Variants in NFU1 observed in about 807,000 individuals in gnomAD.
NFU1 encodes NFU1 iron-sulfur cluster scaffold homolog, mitochondrial.
NFU1 carries 30 observed loss-of-function variants against 32.2 expected under a neutral mutation model. The observed-to-expected ratio is 0.93, with a 90% CI of 0.70 to 1.26. NFU1 has a LOEUF of 1.26. Among genes scored for constraint, NFU1 ranks in the 50% most tolerant of loss-of-function variants. The probability of loss-of-function intolerance (pLI) is 0.00; values close to 1 mark genes in which losing one functional copy is unlikely to be tolerated. For synonymous variants in NFU1, 112 were observed against 104.6 expected (o/e 1.07, Z -0.43); for missense variants, 306 against 306.6 (o/e 1.00, Z 0.02).
upstream of NFU1, among the ~76,000 whole-genome samples, chr2:69,438,055 A>G (rs1673918622): frequency 6.6e-6 from 1 of 152,120 alleles, no homozygotes; most frequent in Admixed American, 6.6e-5. Flanking sequence ...CCCATTACCT[A>G]TTCTTCCAGA....
At chr2:69,435,801 G>A (rs1673809809) in intron 1 of NFU1, among the ~76,000 whole-genome samples, 1 of 152,152 alleles carries the variant, frequency 6.6e-6, no homozygotes, top group Admixed American at 6.5e-5. Context: ...CACCCAGGCT[G>A]AAGTGCAGTG....
At chr2:69,400,342 C>G (rs1553397422) in intron 7 of NFU1, 22 bp downstream of exon 7, 1 of 1,602,990 alleles carries the variant, frequency 6.2e-7, no homozygotes, top group Non-Finnish European at 8.5e-7. Flanking sequence ...AAAATCTAGA[C>G]TGTCATATAA....
At chr2:69,416,419 A>C (rs1430014324) in intron 4 of NFU1, among the ~76,000 whole-genome samples, 1 of 149,804 alleles carries the variant, frequency 6.7e-6, no homozygotes, top group Non-Finnish European at 1.5e-5. Context: ...ATTTGATTTA[A>C]ATGATTAAAA....
chr2:69,408,026 AAATAG>A (rs1283384819), intron 5 of NFU1, among the ~76,000 whole-genome samples: 1 of 151,884 alleles, frequency 6.6e-6, no homozygotes, highest in Non-Finnish European at 1.5e-5. Context: ...AAAAAAAAAA[AAATAG>A]ATAATTAAAA....
intron 5 of NFU1, among the ~76,000 whole-genome samples, chr2:69,411,552 T>C (rs1485406270): frequency 6.6e-6 from 1 of 152,178 alleles, no homozygotes; most frequent in African/African-American, 2.4e-5. Context: ...TAACAAAGAA[T>C]TAATATTCAG....
Position 69,413,135 on chromosome 2 carries a change from A to C in NFU1, c.484+2050T>G, listed in dbSNP as rs533544306. On this transcript the variant is annotated intron_variant, in intron 5 of 7. Transcript: ENST00000410022. ...CCCCGTCTCTACTAAAAATAGAAAA[A>C]TTAGTTGGGCATGGTGGCAGGCACC... Among the ~76,000 whole-genome samples, 3 of 152,036 alleles carry C rather than the reference A, an allele frequency of 2.0e-5. No homozygotes were observed. The East Asian group carries it at 5.9e-4, about 30-fold the overall frequency.
Position 69,400,363 on chromosome 2 carries a change from C to G in NFU1, c.720+1G>C. On this transcript the variant is annotated splice_donor_variant, in intron 7 of 7. Coordinates refer to ENST00000410022, the MANE Select transcript of NFU1 (RefSeq NM_001002755.4). LOFTEE classifies it high-confidence loss of function. ...TAGACTGTCATATAATATTGGCATA[C>G]CTGTTCTACGCCTTCTACCTCCGGA... The G allele has an allele frequency of 6.2e-7, 1 of 1,612,916 alleles. No homozygotes were observed. The highest frequency in any genetic ancestry group is 8.5e-7 in the Non-Finnish European group (1 of 1,178,940).
intron 3 of NFU1, among the ~76,000 whole-genome samples, chr2:69,423,168 A>C (rs55718076): frequency 3.7e-5 from 4 of 108,796 alleles, no homozygotes; most frequent in Non-Finnish European, 7.9e-5. Context: ...GTGTGTGTGT[A>C]TGTGTGTGTG....
chr2:69,423,846 C>T, intron 2 of NFU1, 129 bp from the exon 3 acceptor site: 1 of 714,160 alleles, frequency 1.4e-6, no homozygotes, highest in South Asian at 1.7e-5. Context: ...GGCTTTATTG[C>T]CCTGACAAAG....
At chr2:69,407,007 G>A (rs373534270) in intron 5 of NFU1, among the ~76,000 whole-genome samples, 6 of 152,032 alleles carry the variant, frequency 3.9e-5, no homozygotes, top group Non-Finnish European at 8.8e-5. Flanking sequence ...GTGAAGACTC[G>A]CGTGTTTGCT....
chr2:69,437,296 C>A, intron 1 of NFU1, 65 bp downstream of exon 1: 2 of 1,553,072 alleles, frequency 1.3e-6, no homozygotes, highest in Non-Finnish European at 1.7e-6. Context: ...GTCTGCAAGG[C>A]GGCGACCGCT....
intron 6 of NFU1, among the ~76,000 whole-genome samples, chr2:69,403,676 C>T (rs949538249): frequency 6.6e-6 from 1 of 151,704 alleles, no homozygotes; most frequent in South Asian, 2.1e-4. Context: ...GAGCACCGTG[C>T]CCACCATCTC....
intron 4 of NFU1, among the ~76,000 whole-genome samples, chr2:69,416,947 T>C (rs1011777799): frequency 6.6e-6 from 1 of 152,004 alleles, no homozygotes; most frequent in African/African-American, 2.4e-5. Context: ...AAAGGTGAGA[T>C]AAATGGGGAC....
intron 7 of NFU1, among the ~76,000 whole-genome samples, chr2:69,397,425 A>C (rs1206009278): frequency 6.6e-6 from 1 of 152,266 alleles, no homozygotes; most frequent in African/African-American, 2.4e-5. Flanking sequence ...ACATAAACCT[A>C]AGAATGTTTT....
chr2:69,420,879 G>A (rs1317647994), intron 3 of NFU1, among the ~76,000 whole-genome samples: 3 of 152,070 alleles, frequency 2.0e-5, no homozygotes, highest in Non-Finnish European at 2.9e-5. Flanking sequence ...TGTATCTCAC[G>A]CATACACACA....
intron 2 of NFU1, chr2:69,429,978 A>T: frequency 3.0e-6 from 1 of 329,502 alleles, no homozygotes; most frequent in Admixed American, 4.0e-5. Flanking sequence ...ACAGTGAGCC[A>T]AGATCACATC....
At chr2:69,439,062 ATCCTGCCTTGCC>A, upstream of NFU1, among the ~76,000 whole-genome samples, 1 of 152,052 alleles carries the variant, frequency 6.6e-6, no homozygotes, top group East Asian at 1.9e-4. Context: ...CATAAGAAAA[ATCCTGCCTTGCC>A]CCAAATCCTC....
Position 69,423,615 on chromosome 2 carries a change from G to A in NFU1, c.269C>T (p.Thr90Ile), listed in dbSNP as rs1344984363. 1 of 1,613,798 alleles carries A rather than the reference G, an allele frequency of 6.2e-7. No homozygotes were observed. The highest frequency in any genetic ancestry group is 1.7e-5 in the Admixed American group (1 of 59,998). The change falls in exon 3 of 8, where the codon ACC becomes ATC. Residue 90 changes from threonine to isoleucine, a missense_variant. By Grantham distance (89) the Thr-to-Ile change is moderately conservative (BLOSUM62 -1). Coordinates refer to ENST00000410022, the MANE Select transcript of NFU1 (RefSeq NM_001002755.4). ...AGGGGAGCGAAATGCTGCAGCTGGG[G>A]TGGGAAAATCCATGGTCCTTGTCTC... is the stretch of plus-strand genomic sequence containing the variant. ...VLETRTMDFPTPAAAFRSPLA... is the reference protein window; with the variant it reads ...VLETRTMDFPIPAAAFRSPLA...
At chr2:69,401,889 T>A (rs1280924149) in intron 6 of NFU1, among the ~76,000 whole-genome samples, 3 of 138,304 alleles carry the variant, frequency 2.2e-5, no homozygotes, top group African/African-American at 8.4e-5. Flanking sequence ...TACTTGATTA[T>A]CTTTTTTCCT....
Sources: gnomAD v4.1 joint callset for allele counts (sites outside exome capture counted in the v4.1 genomes callset) on GRCh38, gnomAD v4.1.1 for gene constraint, MANE v1.5 for transcripts, NCBI Gene and HGNC (gene_info 2026-07-23, HGNC 2026-07-21) for gene names.